The following SNTB1 variants were observed in gnomAD, a reference collection of about 807,000 sequenced individuals.
SNTB1 encodes the protein beta-1-syntrophin.
SNTB1 carries 36 observed loss-of-function variants against 48.9 expected under a neutral mutation model. That is an observed-to-expected ratio of 0.74 (90% confidence interval 0.56 to 0.97). The LOEUF is 0.97. Ranked by LOEUF, SNTB1 falls within the 50% of genes least tolerant of loss-of-function variation. The probability of loss-of-function intolerance (pLI) is 0.00; values close to 1 mark genes in which losing one functional copy is unlikely to be tolerated. For missense variants in SNTB1, 786 were observed against 703.4 expected, an observed-to-expected ratio of 1.12 and a Z score of -1.33; for synonymous variants, 299 against 294.6, an observed-to-expected ratio of 1.01 and a Z score of -0.15.
At chr8:120,682,699 G>A (rs1011853720) in intron 2 of SNTB1, among the ~76,000 whole-genome samples, 1 of 152,090 alleles carries the variant, frequency 6.6e-6, no homozygotes, top group African/African-American at 2.4e-5. Context: ...CATGTATGTA[G>A]GTGGGTGGGT....
chr8:120,628,936 A>AG (rs1316734968), intron 3 of SNTB1, among the ~76,000 whole-genome samples: 1 of 152,040 alleles, frequency 6.6e-6, no homozygotes, highest in Non-Finnish European at 1.5e-5. Context: ...AGGCAGGAGG[A>AG]TTGCTTGAGT....
At chr8:120,770,225 C>T (rs1819597461) in intron 1 of SNTB1, among the ~76,000 whole-genome samples, 1 of 152,118 alleles carries the variant, frequency 6.6e-6, no homozygotes. Flanking sequence ...GGTGGCTTTT[C>T]CTCCCAACAA....
intron 2 of SNTB1, among the ~76,000 whole-genome samples, chr8:120,681,257 T>A (rs1264194734): frequency 6.6e-6 from 1 of 152,184 alleles, no homozygotes. Flanking sequence ...GTTTGGCTAT[T>A]CATGTTGATC....
intron 2 of SNTB1, among the ~76,000 whole-genome samples, chr8:120,680,075 C>T (rs932320423): frequency 6.6e-6 from 1 of 152,160 alleles, no homozygotes; most frequent in Non-Finnish European, 1.5e-5. Flanking sequence ...ACCTGGCTAA[C>T]ACTTACTTTA....
At chr8:120,630,520 C>T (rs1816962597) in intron 3 of SNTB1, among the ~76,000 whole-genome samples, 1 of 152,120 alleles carries the variant, frequency 6.6e-6, no homozygotes, top group Admixed American at 6.5e-5. Context: ...TCCAATGATC[C>T]CTTTCGACCT....
chr8:120,687,579 C>T (rs1018452863), intron 2 of SNTB1, among the ~76,000 whole-genome samples: 2 of 152,224 alleles, frequency 1.3e-5, no homozygotes, highest in African/African-American at 4.8e-5. Context: ...GGTCTATTAG[C>T]ACACCTTCTA....
chr8:120,698,172 T>C (rs577650128), intron 1 of SNTB1, among the ~76,000 whole-genome samples: 69 of 152,098 alleles, frequency 4.5e-4, no homozygotes, highest in Non-Finnish European at 9.1e-4. Flanking sequence ...CCAAGAAAAA[T>C]AGAAATAAGG....
intron 3 of SNTB1, among the ~76,000 whole-genome samples, chr8:120,578,197 C>G (rs941231955): frequency 2.5e-5 from 3 of 120,504 alleles, no homozygotes; most frequent in African/African-American, 5.4e-5. Flanking sequence ...TCACGCCCGG[C>G]TAATTTTTTT....
At chr8:120,558,114 T>C (rs963392919) in intron 4 of SNTB1, among the ~76,000 whole-genome samples, 1 of 152,240 alleles carries the variant, frequency 6.6e-6, no homozygotes, top group Non-Finnish European at 1.5e-5. Flanking sequence ...AGGAACAGTC[T>C]TTTTACATTC....
At chr8:120,695,839 G>A (rs546881796) in intron 1 of SNTB1, among the ~76,000 whole-genome samples, 1 of 152,254 alleles carries the variant, frequency 6.6e-6, no homozygotes, top group South Asian at 2.1e-4. Context: ...GAATATAAGT[G>A]CAATTAGAAG....
At chr8:120,602,507 C>T (rs1209438688) in intron 3 of SNTB1, among the ~76,000 whole-genome samples, 14 of 152,238 alleles carry the variant, frequency 9.2e-5, no homozygotes, top group African/African-American at 3.1e-4. Flanking sequence ...TCTGCCTCTA[C>T]ACTGTCTTTG....
At chr8:120,767,194 G>A (rs1263032484) in intron 1 of SNTB1, among the ~76,000 whole-genome samples, 1 of 151,464 alleles carries the variant, frequency 6.6e-6, no homozygotes, top group East Asian at 1.9e-4. Context: ...ACCTTTTTTT[G>A]TCCTCTGTAT....
chr8:120,698,884 G>T (rs552585175), intron 1 of SNTB1, among the ~76,000 whole-genome samples: 179 of 152,272 alleles, frequency 1.2e-3, no homozygotes, highest in African/African-American at 4.2e-3. Flanking sequence ...TCTATACCTG[G>T]CAATCAAAAT....
intron 2 of SNTB1, among the ~76,000 whole-genome samples, chr8:120,640,904 A>C (rs1242774871): frequency 6.6e-6 from 1 of 152,164 alleles, no homozygotes; most frequent in Non-Finnish European, 1.5e-5. Context: ...TGAGTTAGGG[A>C]GAATTCCCTC....
chr8:120,599,441 T>C (rs902035780), intron 3 of SNTB1, among the ~76,000 whole-genome samples: 2 of 152,352 alleles, frequency 1.3e-5, no homozygotes, highest in Admixed American at 1.3e-4. Context: ...TGCTGCTTGA[T>C]GCTTTTGCTA....
At chr8:120,728,394 T>A (rs898260850) in intron 1 of SNTB1, among the ~76,000 whole-genome samples, 2 of 152,212 alleles carry the variant, frequency 1.3e-5, no homozygotes, top group African/African-American at 4.8e-5. Context: ...CCTGGGTATA[T>A]TGTGTGACGC....
chr8:120,553,291 C>T (rs1815513004), intron 4 of SNTB1, among the ~76,000 whole-genome samples: 1 of 152,134 alleles, frequency 6.6e-6, no homozygotes, highest in South Asian at 2.1e-4. Flanking sequence ...ATTAAAGAAC[C>T]TTGATTTGCC....
intron 4 of SNTB1, chr8:120,571,025 C>T: frequency 3.0e-6 from 1 of 333,880 alleles, no homozygotes; most frequent in Non-Finnish European, 5.0e-6. Context: ...TTTTTTTCAC[C>T]TCTTTATCCC....
At chr8:120,660,004 T>G (rs1817564726) in intron 2 of SNTB1, among the ~76,000 whole-genome samples, 2 of 152,232 alleles carry the variant, frequency 1.3e-5, no homozygotes, top group South Asian at 2.1e-4. Context: ...CTTAAAATAC[T>G]CAGTAAACCA....
Sources: allele counts gnomAD v4.1 joint callset (sites outside exome capture counted in the v4.1 genomes callset), GRCh38; gene constraint gnomAD v4.1.1; transcripts MANE v1.5; gene names NCBI Gene and HGNC (gene_info 2026-07-23, HGNC 2026-07-21).